RFTN2: variants seen among roughly 807,000 people sequenced by gnomAD.
The protein encoded by RFTN2 is raftlin family member 2, also known as raftlin-2.
RFTN2 carries 34 observed loss-of-function variants against 52.7 expected under a neutral mutation model. The observed-to-expected ratio is 0.64, with a 90% CI of 0.49 to 0.86. The LOEUF (loss-of-function observed/expected upper bound fraction) is 0.86. Ranked by LOEUF, RFTN2 falls within the 40% of genes least tolerant of loss-of-function variation. The pLI is 0.00. For synonymous variants in RFTN2, 203 were observed against 217.7 expected, an observed-to-expected ratio of 0.93 and a Z score of 0.59; for missense variants, 536 against 600.1, an observed-to-expected ratio of 0.89 and a Z score of 1.12.
At chr2:197,664,329 A>T (rs1440599420) in intron 1 of RFTN2, among the ~76,000 whole-genome samples, 1 of 152,000 alleles carries the variant, frequency 6.6e-6, no homozygotes, top group Non-Finnish European at 1.5e-5. Flanking sequence ...TTCAAAAATC[A>T]GCCAGATGTG....
At chr2:197,661,475 T>C (rs1000911377) in intron 1 of RFTN2, among the ~76,000 whole-genome samples, 3 of 152,138 alleles carry the variant, frequency 2.0e-5, no homozygotes, top group Non-Finnish European at 2.9e-5. Context: ...ATTTCATTCT[T>C]TTTTATGGCT....
At chr2:197,640,380 C>A (rs1410434855) in intron 3 of RFTN2, among the ~76,000 whole-genome samples, 3 of 152,210 alleles carry the variant, frequency 2.0e-5, no homozygotes, top group Non-Finnish European at 4.4e-5. Context: ...TGCTAGCAAT[C>A]AGCGAGACTC....
chr2:197,671,975 ACATACT>A (rs2089153077), intron 1 of RFTN2, among the ~76,000 whole-genome samples: 1 of 152,194 alleles, frequency 6.6e-6, no homozygotes, highest in African/African-American at 2.4e-5. Flanking sequence ...AAACCCTGTA[ACATACT>A]CATATACATA....
At chr2:197,659,475 CA>C (rs1183569948) in intron 1 of RFTN2, among the ~76,000 whole-genome samples, 181 of 76,546 alleles carry the variant, frequency 2.4e-3, no homozygotes, top group African/African-American at 0.01. Flanking sequence ...GACTCCATCT[CA>C]TAAAAAAAAA....
chr2:197,581,541 C>T (rs748018008), intron 8 of RFTN2, among the ~76,000 whole-genome samples: 44 of 152,164 alleles, frequency 2.9e-4, no homozygotes, highest in Non-Finnish European at 5.6e-4. Flanking sequence ...CACCCCTCCA[C>T]TTCTCACCTT....
At chr2:197,673,266 G>T (rs1339907423) in intron 1 of RFTN2, among the ~76,000 whole-genome samples, 1 of 152,124 alleles carries the variant, frequency 6.6e-6, no homozygotes, top group Non-Finnish European at 1.5e-5. Context: ...CAAACAGAAA[G>T]CTGGCATGTT....
rs114061949 is a variant in RFTN2 at position 197,602,040 on chromosome 2, T to C, written c.1155-5971A>G. Among the ~76,000 whole-genome samples, 491 of 152,316 alleles carry C rather than the reference T, an allele frequency of 3.2e-3. 2 individuals are homozygous for C. The highest frequency in any genetic ancestry group is 0.011 in the African/African-American group (476 of 41,572). On this transcript the variant is annotated intron_variant, in intron 7 of 8. Transcript: ENST00000295049. Reference sequence around the variant, plus strand: ...AAAATGAAACTAAAAAAAAGTTCTATTTATAGTTTGACACTATCTTTTTTT... The same window carrying C: ...AAAATGAAACTAAAAAAAAGTTCTACTTATAGTTTGACACTATCTTTTTTT...
chr2:197,667,140 C>A (rs1488138644), intron 1 of RFTN2, among the ~76,000 whole-genome samples: 1 of 152,070 alleles, frequency 6.6e-6, no homozygotes, highest in Non-Finnish European at 1.5e-5. Context: ...GCCACCATGT[C>A]CAGCTAATTT....
At chr2:197,639,716 G>A (rs1276237232) in intron 3 of RFTN2, among the ~76,000 whole-genome samples, 2 of 134,848 alleles carry the variant, frequency 1.5e-5, no homozygotes, top group African/African-American at 2.9e-5. Flanking sequence ...TAATTTGATC[G>A]TCTGAAGCCT....
At chr2:197,617,737 A>C (rs1364172760) in intron 6 of RFTN2, 63 bp downstream of exon 6, 2 of 663,424 alleles carry the variant, frequency 3.0e-6, no homozygotes, top group Admixed American at 9.7e-5. Flanking sequence ...AACCAAACAT[A>C]TATATATATT....
chr2:197,641,136 C>T (rs1348142073), intron 3 of RFTN2, among the ~76,000 whole-genome samples: 1 of 152,108 alleles, frequency 6.6e-6, no homozygotes, highest in Non-Finnish European at 1.5e-5. Context: ...CAAATGCAAA[C>T]ATTTAGAGTC....
chr2:197,584,070 A>G (rs1453298071), intron 8 of RFTN2, among the ~76,000 whole-genome samples: 2 of 152,174 alleles, frequency 1.3e-5, no homozygotes, highest in Non-Finnish European at 2.9e-5. Context: ...TATTGTGAAT[A>G]GTGCCGCGAT....
At chr2:197,672,679 T>C (rs535490193) in intron 1 of RFTN2, among the ~76,000 whole-genome samples, 1 of 152,316 alleles carries the variant, frequency 6.6e-6, no homozygotes, top group East Asian at 1.9e-4. Context: ...ACCCATTTTA[T>C]AGATGAGGAA....
intron 1 of RFTN2, among the ~76,000 whole-genome samples, chr2:197,674,064 G>A (rs1483679200): frequency 1.3e-5 from 2 of 152,060 alleles, no homozygotes; most frequent in East Asian, 1.9e-4. Context: ...AAATTCAAAC[G>A]GTTGTTTGGT....
intron 8 of RFTN2, among the ~76,000 whole-genome samples, chr2:197,578,890 A>G (rs2087461192): frequency 6.6e-6 from 1 of 152,318 alleles, no homozygotes; most frequent in South Asian, 2.1e-4. Context: ...CAGACCAACC[A>G]GCCCAAGGAA....
chr2:197,637,320 A>T (rs189634929), intron 3 of RFTN2, among the ~76,000 whole-genome samples: 1 of 152,310 alleles, frequency 6.6e-6, no homozygotes, highest in East Asian at 1.9e-4. Flanking sequence ...GAATGGTACC[A>T]GTTGTTCCTT....
chr2:197,669,750 G>A (rs1297650930), intron 1 of RFTN2, among the ~76,000 whole-genome samples: 2 of 152,188 alleles, frequency 1.3e-5, no homozygotes, highest in Non-Finnish European at 2.9e-5. Context: ...GGCCCTGTTC[G>A]TGACAGGCCA....
chr2:197,633,177 C>T (rs1023372084), intron 4 of RFTN2, among the ~76,000 whole-genome samples: 2 of 152,170 alleles, frequency 1.3e-5, no homozygotes, highest in Non-Finnish European at 2.9e-5. Flanking sequence ...CTAGCTGGCA[C>T]AGAAGAATAC....
intron 1 of RFTN2, among the ~76,000 whole-genome samples, chr2:197,652,059 A>G (rs1052442914): frequency 2.0e-5 from 3 of 152,220 alleles, no homozygotes; most frequent in Admixed American, 6.5e-5. Flanking sequence ...ATTGAACCCA[A>G]TAATAGGTCT....
Sources: gnomAD v4.1 joint callset for allele counts (sites outside exome capture counted in the v4.1 genomes callset) on GRCh38, gnomAD v4.1.1 for gene constraint, MANE v1.5 for transcripts, NCBI Gene and HGNC (gene_info 2026-07-23, HGNC 2026-07-21) for gene names.